ZFYVE16: variants seen among roughly 807,000 people sequenced by gnomAD.
The protein encoded by ZFYVE16 is zinc finger FYVE domain-containing protein 16.
In ZFYVE16, 89 loss-of-function variants were observed where a neutral mutation model predicts 138.1. The observed-to-expected ratio is 0.64, with a 90% CI of 0.54 to 0.77. The LOEUF is 0.77. ZFYVE16 is among the 30% of genes least tolerant of loss of function. The pLI, the probability that ZFYVE16 is intolerant of heterozygous loss-of-function variation, is 0.00. For missense variants in ZFYVE16, 1,793 were observed against 1,786.7 expected, an observed-to-expected ratio of 1.00 and a Z score of -0.06; for synonymous variants, 596 against 618.3, an observed-to-expected ratio of 0.96 and a Z score of 0.53.
chr5:80,417,971 A>G (rs1444813968), intron 1 of ZFYVE16, among the ~76,000 whole-genome samples: 2 of 152,176 alleles, frequency 1.3e-5, no homozygotes, highest in Admixed American at 1.3e-4. Context: ...TGGCATTGTC[A>G]CAGTGACATT....
chr5:80,449,384 T>C (rs1751740155), intron 8 of ZFYVE16, among the ~76,000 whole-genome samples: 1 of 152,244 alleles, frequency 6.6e-6, no homozygotes, highest in Non-Finnish European at 1.5e-5. Flanking sequence ...ATATGTAATA[T>C]ATGCATTACA....
chr5:80,459,358 T>C (rs1752866905), intron 14 of ZFYVE16, 56 bp from the exon 15 acceptor site: 3 of 1,483,612 alleles, frequency 2.0e-6, no homozygotes, highest in Admixed American at 3.5e-5. Context: ...ATTTAACAAA[T>C]GTGTAACATA....
intron 2 of ZFYVE16, among the ~76,000 whole-genome samples, chr5:80,428,829 T>C (rs899962731): frequency 6.6e-6 from 1 of 152,152 alleles, no homozygotes; most frequent in Non-Finnish European, 1.5e-5. Flanking sequence ...CAGTAGCCGA[T>C]TCGATCAACT....
chr5:80,443,015 T>A, intron 5 of ZFYVE16, 108 bp from the exon 6 acceptor site: 2 of 1,121,520 alleles, frequency 1.8e-6, no homozygotes, highest in South Asian at 3.8e-5. Flanking sequence ...ATTAGCCATT[T>A]CTTTCTTTCT....
chr5:80,434,321 G>T, intron 3 of ZFYVE16, 104 bp downstream of exon 3: 1 of 1,174,294 alleles, frequency 8.5e-7, no homozygotes, highest in Non-Finnish European at 1.2e-6. Context: ...TTCAATTTTG[G>T]TCACGTTATC....
chr5:80,470,099 G>GTGTGTGTGTGTGTGTA (rs1327173079), intron 15 of ZFYVE16, among the ~76,000 whole-genome samples: 6 of 121,182 alleles, frequency 5.0e-5, no homozygotes, highest in African/African-American at 2.0e-4. Flanking sequence ...GTGTGTGTGT[G>GTGTGTGTGTGTGTGTA]TATTTTTTTT....
chr5:80,420,202 G>T (rs1265399317), intron 1 of ZFYVE16, among the ~76,000 whole-genome samples: 1 of 151,864 alleles, frequency 6.6e-6, no homozygotes, highest in African/African-American at 2.4e-5. Flanking sequence ...TGCCTCCCAG[G>T]TTCAAGGGAT....
intron 15 of ZFYVE16, among the ~76,000 whole-genome samples, chr5:80,465,565 T>C (rs190613878): frequency 1.3e-5 from 2 of 151,664 alleles, no homozygotes; most frequent in East Asian, 3.9e-4. Context: ...ACCACCAGGT[T>C]TGGCTAATTT....
chr5:80,475,252 A>C (rs1319704163), intron 18 of ZFYVE16, among the ~76,000 whole-genome samples: 2 of 152,236 alleles, frequency 1.3e-5, no homozygotes, highest in Non-Finnish European at 2.9e-5. Context: ...AAATTTACTT[A>C]TCTGACTAAA....
chr5:80,462,573 A>C (rs1241719987), intron 15 of ZFYVE16, among the ~76,000 whole-genome samples: 2 of 152,130 alleles, frequency 1.3e-5, no homozygotes, highest in East Asian at 3.8e-4. Context: ...CACAAAGCCT[A>C]ACTATATCAT....
At chr5:80,458,973 C>A (rs890736154) in intron 14 of ZFYVE16, among the ~76,000 whole-genome samples, 7 of 152,194 alleles carry the variant, frequency 4.6e-5, no homozygotes, top group African/African-American at 1.7e-4. Context: ...CTCTGTCGCC[C>A]AGGCTGGAGT....
intron 3 of ZFYVE16, chr5:80,435,703 G>T (rs1007347769): frequency 1.6e-5 from 7 of 430,018 alleles, no homozygotes; most frequent in South Asian, 1.2e-4. Context: ...TGAGTAGCTG[G>T]GACCACAAGT....
intron 10 of ZFYVE16, 146 bp from the exon 11 acceptor site, chr5:80,451,339 C>G (rs1009913313): frequency 2.6e-5 from 15 of 585,726 alleles, no homozygotes; most frequent in African/African-American, 3.8e-5. Context: ...GAAAAAAAAT[C>G]TATAGTGTCT....
In ZFYVE16 at chr5:80,476,605, G is replaced by A. The variant is rs184849017; in HGVS notation, c.4462-614G>A. 6.6e-3 allele frequency among the ~76,000 whole-genome samples: 1,010 copies of A among 152,302 alleles called. 7 individuals are homozygous for A. Among genetic ancestry groups the A allele is most frequent in the Middle Eastern group, 0.024 (7 of 294 alleles). On this transcript the variant is annotated intron_variant, in intron 18 of 18. Coordinates refer to ENST00000505560, the MANE Select transcript of ZFYVE16 (RefSeq NM_001284236.3). Reference sequence around the variant, plus strand: ...ACATCCAATATAGATTTTCAAATCAGAGAATTCATTAGAATGGTTAAGCTA... The same window carrying A: ...ACATCCAATATAGATTTTCAAATCAAAGAATTCATTAGAATGGTTAAGCTA...
chr5:80,439,879 C>T (rs1388713357), intron 4 of ZFYVE16, 57 bp from the exon 5 acceptor site: 7 of 1,459,068 alleles, frequency 4.8e-6, no homozygotes, highest in Non-Finnish European at 5.6e-6. Flanking sequence ...CACACTGCCT[C>T]TAGTAGGTGT....
intron 1 of ZFYVE16, among the ~76,000 whole-genome samples, chr5:80,410,514 A>C (rs1029427202): frequency 1.3e-5 from 2 of 152,214 alleles, no homozygotes; most frequent in Non-Finnish European, 2.9e-5. Flanking sequence ...CCAGTATCCA[A>C]GTGTTTTTCT....
intron 1 of ZFYVE16, among the ~76,000 whole-genome samples, chr5:80,415,293 T>G (rs979976150): frequency 6.6e-6 from 1 of 152,252 alleles, no homozygotes; most frequent in Non-Finnish European, 1.5e-5. Context: ...ATTAACATCT[T>G]AGATTAATAT....
chr5:80,451,178 A>G (rs1751954042), intron 10 of ZFYVE16, among the ~76,000 whole-genome samples: 1 of 152,170 alleles, frequency 6.6e-6, no homozygotes, highest in African/African-American at 2.4e-5. Context: ...AGGAGATTTG[A>G]TAATTTTTCA....
chr5:80,465,424 T>TTTTTTTTTTTTTTTTTTTTTTTA (rs1753636729), intron 15 of ZFYVE16, among the ~76,000 whole-genome samples: 1 of 136,248 alleles, frequency 7.3e-6, no homozygotes, highest in Non-Finnish European at 1.6e-5. Flanking sequence ...TTTTTTTTTT[T>TTTTTTTTTTTTTTTTTTTTTTTA]GAGACAGGAT....
Sources: gnomAD v4.1 joint callset for allele counts (sites outside exome capture counted in the v4.1 genomes callset) on GRCh38, gnomAD v4.1.1 for gene constraint, MANE v1.5 for transcripts, NCBI Gene and HGNC (gene_info 2026-07-23, HGNC 2026-07-21) for gene names.